Variants in MARK1 observed in about 807,000 individuals in gnomAD.
MARK1 encodes the protein microtubule affinity regulating kinase 1, also known as serine/threonine-protein kinase MARK1.
A neutral mutation model predicts 96.3 loss-of-function variants in MARK1; 40 were observed. The ratio of observed to expected loss-of-function variants is 0.42; its 90% confidence interval spans 0.32 to 0.54. The LOEUF (loss-of-function observed/expected upper bound fraction) is 0.54. Among genes scored for constraint, MARK1 ranks in the 20% least tolerant of loss-of-function variants. The probability of loss-of-function intolerance (pLI) is 0.16; values close to 1 mark genes in which losing one functional copy is unlikely to be tolerated. For missense variants in MARK1, 719 were observed against 984.6 expected, an observed-to-expected ratio of 0.73 and a Z score of 3.61; for synonymous variants, 317 against 341.2, an observed-to-expected ratio of 0.93 and a Z score of 0.78.
intron 6 of MARK1, among the ~76,000 whole-genome samples, chr1:220,608,963 G>A (rs1398627328): frequency 3.9e-5 from 6 of 152,216 alleles, no homozygotes; most frequent in African/African-American, 1.4e-4. Flanking sequence ...GCTGAGGAGT[G>A]CTTTACTTCC....
rs566313225 is a variant in MARK1 at position 220,636,964 on chromosome 1, T to C, written c.1470+938T>C. Among the ~76,000 whole-genome samples, 20 of 151,290 alleles carry C rather than the reference T, an allele frequency of 1.3e-4. No individual in the cohort carries two copies. The South Asian group carries it at 4.0e-3, about 30-fold the overall frequency. On this transcript the variant is annotated intron_variant, in intron 13 of 17. Coordinates refer to ENST00000366917, the MANE Select transcript of MARK1 (RefSeq NM_018650.5). ...TTAGGTTGATCAATAGCAACATGGA[T>C]ACAGTAAGATAAAGGGAAACATATT...
At chr1:220,536,193 A>G (rs1660668601) in intron 1 of MARK1, among the ~76,000 whole-genome samples, 1 of 152,066 alleles carries the variant, frequency 6.6e-6, no homozygotes, top group South Asian at 2.1e-4. Context: ...CATATAAGAT[A>G]ATCTCGTCTA....
chr1:220,599,902 A>T, intron 5 of MARK1, 39 bp downstream of exon 5: 1 of 1,401,840 alleles, frequency 7.1e-7, no homozygotes, highest in Non-Finnish European at 1.0e-6. Flanking sequence ...CTTTGCTGAG[A>T]CATACAGAAA....
chr1:220,631,316 A>G (rs917365755), intron 10 of MARK1, among the ~76,000 whole-genome samples, 182 bp downstream of exon 10: 7 of 152,164 alleles, frequency 4.6e-5, no homozygotes, highest in Admixed American at 2.0e-4. Context: ...ATTTGTTCCC[A>G]TATATATTAT....
At chr1:220,532,393 C>T in intron 1 of MARK1, among the ~76,000 whole-genome samples, 1 of 152,194 alleles carries the variant, frequency 6.6e-6, no homozygotes, top group East Asian at 1.9e-4. Flanking sequence ...CATCTAATTG[C>T]CTGACTTTGT....
chr1:220,607,727 G>C (rs1052472988), intron 6 of MARK1, among the ~76,000 whole-genome samples: 1 of 152,088 alleles, frequency 6.6e-6, no homozygotes, highest in African/African-American at 2.4e-5. Context: ...TTTGAGATAC[G>C]TTCCATCAAT....
chr1:220,554,604 C>T (rs1223533434), intron 1 of MARK1, among the ~76,000 whole-genome samples: 1 of 152,172 alleles, frequency 6.6e-6, no homozygotes, highest in Non-Finnish European at 1.5e-5. Flanking sequence ...GTAAATGAAG[C>T]AGCAAGCTGG....
At chr1:220,565,095 A>G (rs1246547354) in intron 1 of MARK1, among the ~76,000 whole-genome samples, 1 of 152,224 alleles carries the variant, frequency 6.6e-6, no homozygotes, top group Non-Finnish European at 1.5e-5. Flanking sequence ...TTTATATTTC[A>G]GTAAGGTATT....
At chr1:220,541,841 A>G (rs1363953308) in intron 1 of MARK1, among the ~76,000 whole-genome samples, 2 of 152,248 alleles carry the variant, frequency 1.3e-5, no homozygotes, top group Non-Finnish European at 2.9e-5. Flanking sequence ...CCATTCAACA[A>G]TTCTGTCTTT....
At chr1:220,584,076 T>G (rs952954458) in intron 3 of MARK1, among the ~76,000 whole-genome samples, 1 of 152,142 alleles carries the variant, frequency 6.6e-6, no homozygotes, top group African/African-American at 2.4e-5. Context: ...CTCAGAGATA[T>G]CACTAGTTTT....
At chr1:220,623,091 C>A (rs2102983196) in intron 9 of MARK1, among the ~76,000 whole-genome samples, 1 of 152,070 alleles carries the variant, frequency 6.6e-6, no homozygotes, top group Middle Eastern at 3.4e-3. Flanking sequence ...TCATGAGATA[C>A]CTGAAATGAA....
At chr1:220,574,540 G>A (rs2102820601) in intron 1 of MARK1, among the ~76,000 whole-genome samples, 1 of 152,242 alleles carries the variant, frequency 6.6e-6, no homozygotes, top group African/African-American at 2.4e-5. Flanking sequence ...GGAGTGAGGT[G>A]GGCCAGAGTT....
intron 1 of MARK1, among the ~76,000 whole-genome samples, chr1:220,575,688 T>A (rs1176851381): frequency 6.6e-6 from 1 of 152,074 alleles, no homozygotes; most frequent in African/African-American, 2.4e-5. Flanking sequence ...TGTATTCTGA[T>A]TTTTTATTTA....
At chr1:220,568,024 C>A (rs1287172145) in intron 1 of MARK1, among the ~76,000 whole-genome samples, 1 of 152,058 alleles carries the variant, frequency 6.6e-6, no homozygotes, top group Non-Finnish European at 1.5e-5. Flanking sequence ...TATAAAAAGT[C>A]TTTTTCTTTT....
At chr1:220,611,970 T>C (rs1666470314) in intron 6 of MARK1, among the ~76,000 whole-genome samples, 1 of 152,138 alleles carries the variant, frequency 6.6e-6, no homozygotes. Context: ...TGACCTCAGG[T>C]GATCTGCCCA....
chr1:220,623,425 A>G (rs1326008871), intron 9 of MARK1, among the ~76,000 whole-genome samples: 4 of 152,058 alleles, frequency 2.6e-5, no homozygotes, highest in Non-Finnish European at 4.4e-5. Context: ...ACAGAGTTAA[A>G]CCCCCACATC....
intron 1 of MARK1, among the ~76,000 whole-genome samples, chr1:220,551,437 T>C (rs1203066972): frequency 6.6e-6 from 1 of 152,190 alleles, no homozygotes; most frequent in East Asian, 1.9e-4. Flanking sequence ...TGGAAGTCAT[T>C]AAAACCCACT....
chr1:220,639,863 A>G (rs1668172762), intron 13 of MARK1, among the ~76,000 whole-genome samples: 1 of 152,214 alleles, frequency 6.6e-6, no homozygotes, highest in Non-Finnish European at 1.5e-5. Context: ...AAACTCATCA[A>G]CAGGATATTA....
chr1:220,534,975 T>G (rs1484431257), intron 1 of MARK1, among the ~76,000 whole-genome samples: 1 of 152,092 alleles, frequency 6.6e-6, no homozygotes, highest in Non-Finnish European at 1.5e-5. Context: ...AAATAATACC[T>G]CAGTAAATAT....
Sources: allele counts gnomAD v4.1 joint callset (sites outside exome capture counted in the v4.1 genomes callset), GRCh38; gene constraint gnomAD v4.1.1; transcripts MANE v1.5; gene names NCBI Gene and HGNC (gene_info 2026-07-23, HGNC 2026-07-21).